NOL10: variants seen among roughly 807,000 people sequenced by gnomAD.
The protein encoded by NOL10 is H_NH0074G24.1.
In NOL10, 58 loss-of-function variants were observed where a neutral mutation model predicts 103.5. The observed-to-expected ratio is 0.56, with a 90% confidence interval of 0.45 to 0.70. The LOEUF (loss-of-function observed/expected upper bound fraction) is 0.70, where lower values mean the gene tolerates loss of function less well. NOL10 is among the 30% of genes least tolerant of loss of function. The pLI is 0.00. For synonymous variants in NOL10, 287 were observed against 282.5 expected (o/e 1.02, Z -0.16); for missense variants, 763 against 807.3 (o/e 0.95, Z 0.67).
At chr2:10,662,858 A>G in intron 9 of NOL10, 101 bp downstream of exon 9, 1 of 893,072 alleles carries the variant, frequency 1.1e-6, no homozygotes, top group Non-Finnish European at 1.8e-6. Flanking sequence ...TGGAAAGTAC[A>G]ATTTCAGATA....
chr2:10,663,875 G>A (rs978519301), intron 8 of NOL10, among the ~76,000 whole-genome samples: 22 of 151,570 alleles, frequency 1.5e-4, no homozygotes, highest in Non-Finnish European at 1.9e-4. Flanking sequence ...GCATGAACCC[G>A]GGAGGCTGGA....
rs1235590616 is a variant in NOL10, at chr2:10,664,135, A to C, written c.592-1091T>G. 1.9e-4 allele frequency among the ~76,000 whole-genome samples: 29 copies of C among 151,518 alleles called. No homozygotes were observed. The East Asian group carries it at 4.7e-3, about 24-fold the overall frequency. On this transcript the variant is annotated intron_variant, in intron 8 of 20. Coordinates refer to ENST00000381685, the MANE Select transcript of NOL10 (RefSeq NM_024894.4). ...CTCCGTCTAAAAAAAAAAAAAACCC[A>C]AAAAAACAGAACAGGCCGGGCATGG...
At chr2:10,581,421 A>G (rs1191093974) in intron 19 of NOL10, among the ~76,000 whole-genome samples, 1 of 152,176 alleles carries the variant, frequency 6.6e-6, no homozygotes, top group Non-Finnish European at 1.5e-5. Flanking sequence ...AGAACAACAT[A>G]CATCCCAGCA....
Position 10,587,244 on chromosome 2 carries a change from C to CATACAT in NOL10, c.1844+1798_1844+1799insATGTAT, listed in dbSNP as rs1558270882. On this transcript the variant is annotated intron_variant, in intron 19 of 20. Transcript: ENST00000381685. ...ATATATATACATATATATATACATA[C>CATACAT]ATATATATATATACACATATATATA... Among the ~76,000 whole-genome samples, 92 of 26,108 alleles carry CATACAT rather than the reference C, an allele frequency of 3.5e-3. 11 individuals are homozygous for CATACAT. Among genetic ancestry groups the CATACAT allele is most frequent in the Non-Finnish European group, 5.0e-3 (71 of 14,092 alleles). 17.1% of individuals were successfully genotyped at this position (26,108 alleles called of 152,430 possible). A position where few individuals can be genotyped will look rare whatever the true frequency, so the allele number is the denominator to read the frequency against.
At position 10,685,509 on chromosome 2, in the gene NOL10, C is replaced by A. The variant is rs1354928114; in HGVS notation, c.67-897G>T. Among the ~76,000 whole-genome samples, 87 of 17,484 alleles carry A rather than the reference C, an allele frequency of 5.0e-3. 3 individuals are homozygous for A. Among genetic ancestry groups the A allele is most frequent in the South Asian group, 0.025 (6 of 244 alleles). The allele number at this position is 17,484 out of a possible 152,430, so 11.5% of individuals were successfully genotyped here. A position where few individuals can be genotyped will look rare whatever the true frequency, so the allele number is the denominator to read the frequency against. ...TCCGTCCCCCCCCCCCCCCCCCCCG[C>A]CAAAAAAAAAGAAAAAAACAGGCTT... On this transcript the variant is annotated intron_variant, in intron 1 of 20. Coordinates refer to ENST00000381685, the MANE Select transcript of NOL10 (RefSeq NM_024894.4).
chr2:10,677,982 T>C (rs1432105063), intron 3 of NOL10, among the ~76,000 whole-genome samples: 1 of 144,552 alleles, frequency 6.9e-6, no homozygotes, highest in Non-Finnish European at 1.5e-5. Flanking sequence ...CACACACACA[T>C]AATTTGAAAG....
At chr2:10,670,970 T>C (rs184526937) in intron 6 of NOL10, among the ~76,000 whole-genome samples, 1 of 152,364 alleles carries the variant, frequency 6.6e-6, no homozygotes, top group Admixed American at 6.5e-5. Context: ...TAATGAAAGA[T>C]GCTTTAAATG....
intron 12 of NOL10, among the ~76,000 whole-genome samples, chr2:10,649,532 C>A (rs752445167): frequency 2.3e-4 from 35 of 151,954 alleles, no homozygotes; most frequent in Non-Finnish European, 4.1e-4. Flanking sequence ...GTTGGCCAGG[C>A]TAGTCTCGAA....
In NOL10 at chr2:10,572,074, A is replaced by ATGAAACG. The variant is rs958465053; in HGVS notation, c.2057_2063dup (p.Ter689ValfsTer47). On this transcript the variant is annotated frameshift_variant, in exon 21 of 21. Coordinates refer to ENST00000381685, the MANE Select transcript of NOL10 (RefSeq NM_024894.4). LOFTEE classifies it high-confidence loss of function. ...ACAGGTAGGACCACTTCCCAAATCA[A>ATGAAACG]TGAAACGACCGTCCTCTTTTGTGTC... 6.2e-7 allele frequency: 1 copy of ATGAAACG among 1,613,538 alleles called. No individual in the cohort carries two copies. Among genetic ancestry groups the ATGAAACG allele is most frequent in the African/African-American group, 1.3e-5 (1 of 75,036 alleles).
intron 17 of NOL10, among the ~76,000 whole-genome samples, chr2:10,595,906 T>C (rs1475914231): frequency 1.5e-5 from 2 of 131,784 alleles, no homozygotes; most frequent in Non-Finnish European, 3.5e-5. Flanking sequence ...ATGTTTGTGT[T>C]AGGCACTGTG....
At chr2:10,621,227 A>G (rs972404781) in intron 13 of NOL10, among the ~76,000 whole-genome samples, 1 of 152,190 alleles carries the variant, frequency 6.6e-6, no homozygotes, top group Non-Finnish European at 1.5e-5. Flanking sequence ...TTAAACTCAT[A>G]AGGAAAAGAA....
intron 20 of NOL10, among the ~76,000 whole-genome samples, chr2:10,576,250 C>G (rs991530697): frequency 6.6e-6 from 1 of 152,142 alleles, no homozygotes; most frequent in Non-Finnish European, 1.5e-5. Flanking sequence ...AAACCTGCAA[C>G]CCTCATACGC....
intron 13 of NOL10, among the ~76,000 whole-genome samples, chr2:10,611,331 A>G (rs1676556807): frequency 6.6e-6 from 1 of 152,254 alleles, no homozygotes. Flanking sequence ...ACTTGAGCGG[A>G]AGAACCAATT....
chr2:10,637,075 A>G (rs1678284874), intron 13 of NOL10, among the ~76,000 whole-genome samples: 1 of 151,050 alleles, frequency 6.6e-6, no homozygotes. Flanking sequence ...GGTGGTGCGT[A>G]CCTGCAATCC....
At chr2:10,631,572 T>C (rs1381706726) in intron 13 of NOL10, among the ~76,000 whole-genome samples, 3 of 152,220 alleles carry the variant, frequency 2.0e-5, no homozygotes, top group Non-Finnish European at 4.4e-5. Flanking sequence ...TTTTAAAAAT[T>C]TGTTGGCACT....
At chr2:10,659,357 G>C in intron 9 of NOL10, 107 bp from the exon 10 acceptor site, 1 of 554,762 alleles carries the variant, frequency 1.8e-6, no homozygotes, top group Admixed American at 2.6e-5. Context: ...GGGGGGGGAG[G>C]AATCACATTT....
intron 19 of NOL10, 104 bp from the exon 20 acceptor site, chr2:10,577,842 C>A: frequency 1.4e-6 from 1 of 702,958 alleles, no homozygotes. Context: ...AATGTTTACA[C>A]ATGTAAACAG....
Position 10,572,156 on chromosome 2 carries a change from T to C in NOL10, c.1982A>G (p.Lys661Arg). The C allele has an allele frequency of 6.2e-7, 1 of 1,613,990 alleles. No homozygotes were observed. The change falls in exon 21 of 21, where the codon AAA becomes AGA. Residue 661 changes from lysine to arginine, a missense_variant. Physicochemically the swap from Lys to Arg is conservative, Grantham distance 26 (BLOSUM62 2). Transcript: ENST00000381685. ...TCTTTTCCTTTCTTGTCGATGCAGT[T>C]TCTCAGCCTCCTGTTGCTTCTTCTG... ...EQQKKQQEAE[K>R]LHRQERKRLR...
At chr2:10,678,325 T>G (rs1396486671) in intron 3 of NOL10, among the ~76,000 whole-genome samples, 1 of 151,952 alleles carries the variant, frequency 6.6e-6, no homozygotes, top group Admixed American at 6.6e-5. Flanking sequence ...GTGCAGGGAT[T>G]ATAGGCATGA....
Sources: gnomAD v4.1 joint callset for allele counts (sites outside exome capture counted in the v4.1 genomes callset) on GRCh38, gnomAD v4.1.1 for gene constraint, MANE v1.5 for transcripts, NCBI Gene and HGNC (gene_info 2026-07-23, HGNC 2026-07-21) for gene names.